Variants in ERC2 observed in about 807,000 individuals in gnomAD.
ERC2 encodes the protein ERC protein 2.
A neutral mutation model predicts 114.8 loss-of-function variants in ERC2; 42 were observed. That is an observed-to-expected ratio of 0.37 (90% CI 0.29 to 0.47). ERC2 has a LOEUF of 0.47. ERC2 is among the 20% of genes least tolerant of loss of function. ERC2 has a pLI of 0.99. For missense variants in ERC2, 939 were observed against 1,150.7 expected, an observed-to-expected ratio of 0.82 and a Z score of 2.66; for synonymous variants, 454 against 425.5, an observed-to-expected ratio of 1.07 and a Z score of -0.82.
At chr3:56,054,881 C>T (rs2075939208) in intron 7 of ERC2, among the ~76,000 whole-genome samples, 1 of 152,114 alleles carries the variant, frequency 6.6e-6, no homozygotes, top group Admixed American at 6.5e-5. Flanking sequence ...AAAAATTGCC[C>T]TCATGCTCTG....
intron 7 of ERC2, among the ~76,000 whole-genome samples, chr3:56,059,490 G>A (rs559894608): frequency 6.6e-6 from 1 of 152,150 alleles, no homozygotes; most frequent in East Asian, 1.9e-4. Context: ...AAGTGACTTT[G>A]GACAACTTAC....
intron 3 of ERC2, among the ~76,000 whole-genome samples, chr3:56,257,693 A>C (rs1043669733): frequency 2.0e-5 from 3 of 152,256 alleles, no homozygotes; most frequent in African/African-American, 7.2e-5. Context: ...TCACTCCATT[A>C]GTCAACTCCA....
intron 2 of ERC2, among the ~76,000 whole-genome samples, chr3:56,378,924 G>A (rs556044592): frequency 1.3e-5 from 2 of 152,292 alleles, no homozygotes; most frequent in South Asian, 4.1e-4. Context: ...CAAGCCACAT[G>A]TGCAATTTTA....
At chr3:56,024,391 A>C (rs1221579748) in intron 7 of ERC2, among the ~76,000 whole-genome samples, 1 of 152,186 alleles carries the variant, frequency 6.6e-6, no homozygotes, top group Non-Finnish European at 1.5e-5. Context: ...TAACTTACTG[A>C]ATAAACGAAA....
intron 2 of ERC2, among the ~76,000 whole-genome samples, chr3:56,401,010 G>A (rs1255018556): frequency 2.6e-5 from 4 of 152,096 alleles, no homozygotes; most frequent in Non-Finnish European, 5.9e-5. Context: ...TTTCCCACTA[G>A]CAATTGCATG....
At chr3:56,348,789 C>A (rs1427127437) in intron 2 of ERC2, among the ~76,000 whole-genome samples, 2 of 151,336 alleles carry the variant, frequency 1.3e-5, no homozygotes, top group Admixed American at 1.3e-4. Context: ...ACCTACAGAG[C>A]TCCAATAAAT....
intron 14 of ERC2, among the ~76,000 whole-genome samples, chr3:55,771,749 G>A (rs1364469415): frequency 6.6e-6 from 1 of 152,202 alleles, no homozygotes; most frequent in Non-Finnish European, 1.5e-5. Context: ...CTGCACACCT[G>A]ATGAGACTGT....
In ERC2 at chr3:56,304,583, C is replaced by T. The variant is rs140301374; in HGVS notation, c.658-8148G>A. On this transcript the variant is annotated intron_variant, in intron 2 of 17. Coordinates refer to ENST00000288221, the MANE Select transcript of ERC2 (RefSeq NM_015576.3). ...AGGCATGAACTATACAAGAAAGGTA[C>T]CTTCTAGTCCAAACTTCACACTTAG... 3.2e-3 allele frequency among the ~76,000 whole-genome samples: 481 copies of T among 152,196 alleles called. 4 individuals are homozygous for T. The highest frequency in any genetic ancestry group is 5.8e-3 in the Admixed American group (88 of 15,286).
chr3:55,638,727 A>G lies in ERC2; in HGVS notation c.*39+45067T>C, dbSNP rs149483729. On this transcript the variant is annotated intron_variant, in intron 17 of 17. Transcript: ENST00000288221. ...ACTTTTATGTTGTTGGCTGGTTACC[A>G]GGTTTTAAATTGACTTCCTTAAGGG... Among the ~76,000 whole-genome samples the G allele has an allele frequency of 4.2e-3, 635 of 152,340 alleles. 3 individuals carry two copies. Among genetic ancestry groups the G allele is most frequent in the African/African-American group, 0.014 (584 of 41,574 alleles).
At chr3:56,380,861 C>A (rs1194608061) in intron 2 of ERC2, among the ~76,000 whole-genome samples, 1 of 152,152 alleles carries the variant, frequency 6.6e-6, no homozygotes, top group Non-Finnish European at 1.5e-5. Flanking sequence ...TTATAATCTG[C>A]CTGTTAAACA....
At chr3:55,808,934 GATTTATTTATTAACTTCACT>G (rs2059608807) in intron 14 of ERC2, among the ~76,000 whole-genome samples, 2 of 151,000 alleles carry the variant, frequency 1.3e-5, no homozygotes, top group South Asian at 4.2e-4. Context: ...CCAGAATATT[GATTTATTTATTAACTTCACT>G]TAGTTGTCTA....
chr3:55,915,698 C>A (rs1007435936), intron 13 of ERC2, among the ~76,000 whole-genome samples: 1 of 152,102 alleles, frequency 6.6e-6, no homozygotes, highest in South Asian at 2.1e-4. Context: ...AGATAACCAC[C>A]CTCACTAGTA....
intron 17 of ERC2, among the ~76,000 whole-genome samples, chr3:55,660,853 G>A (rs2061099914): frequency 6.6e-6 from 1 of 152,126 alleles, no homozygotes. Flanking sequence ...ATAAAACAGG[G>A]ATAATAACAA....
intron 14 of ERC2, among the ~76,000 whole-genome samples, chr3:55,792,504 C>T (rs1409875688): frequency 2.6e-5 from 4 of 152,262 alleles, no homozygotes. Context: ...CACCTAATCA[C>T]CAGCCCCTGT....
intron 1 of ERC2, among the ~76,000 whole-genome samples, chr3:56,451,105 G>A (rs958129006): frequency 2.6e-5 from 4 of 152,052 alleles, no homozygotes; most frequent in African/African-American, 7.3e-5. Flanking sequence ...CAAAGCTTCA[G>A]TTATAGTATA....
chr3:56,007,049 AT>A, intron 10 of ERC2, 131 bp downstream of exon 10: 2 of 740,968 alleles, frequency 2.7e-6, no homozygotes, highest in Non-Finnish European at 4.2e-6. Context: ...AGTTAAGAGT[AT>A]TTAATTAATT....
At chr3:55,849,088 A>G (rs1307540798) in intron 14 of ERC2, among the ~76,000 whole-genome samples, 2 of 152,164 alleles carry the variant, frequency 1.3e-5, no homozygotes, top group East Asian at 3.9e-4. Context: ...TTCTCAAAAC[A>G]TGGTCTGCAT....
intron 3 of ERC2, among the ~76,000 whole-genome samples, chr3:56,228,350 C>G (rs1315462009): frequency 6.6e-6 from 1 of 152,128 alleles, no homozygotes; most frequent in Non-Finnish European, 1.5e-5. Context: ...AACAATAATT[C>G]TCCCTTCTCT....
At chr3:55,914,959 G>T (rs944747378) in intron 13 of ERC2, among the ~76,000 whole-genome samples, 3 of 152,070 alleles carry the variant, frequency 2.0e-5, no homozygotes, top group African/African-American at 7.2e-5. Context: ...TAGAACCAAA[G>T]ATTTTAAAAA....
Sources: allele counts gnomAD v4.1 joint callset (sites outside exome capture counted in the v4.1 genomes callset), GRCh38; gene constraint gnomAD v4.1.1; transcripts MANE v1.5; gene names NCBI Gene and HGNC (gene_info 2026-07-23, HGNC 2026-07-21).